The following KLHL30 variants were observed in gnomAD, a reference collection of about 807,000 sequenced individuals.
The protein encoded by KLHL30 is kelch-like protein 30.
A neutral mutation model predicts 55.0 loss-of-function variants in KLHL30; 55 were observed. The observed-to-expected ratio is 1.00, with a 90% CI of 0.80 to 1.25. The LOEUF (loss-of-function observed/expected upper bound fraction) is 1.25. Ranked by LOEUF, KLHL30 falls within the 50% of genes most tolerant of loss-of-function variation. The probability of loss-of-function intolerance (pLI) is 0.00; values close to 1 mark genes in which losing one functional copy is unlikely to be tolerated. For missense variants in KLHL30, 786 were observed against 811.6 expected (o/e 0.97, Z 0.38); for synonymous variants, 356 against 372.6 (o/e 0.96, Z 0.51).
Position 238,147,974 on chromosome 2 carries a change from G to A in KLHL30, c.1291G>A (p.Ala431Thr), listed in dbSNP as rs777868844. 86 of 1,558,408 alleles carry A rather than the reference G, an allele frequency of 5.5e-5. No individual in the cohort carries two copies. Among genetic ancestry groups the A allele is most frequent in the Admixed American group, 9.6e-5 (5 of 52,090 alleles). ...RGRLYLVGSS[A>T]CKYNALALQC... Reference sequence around the variant, plus strand: ...CCGGCTCTACCTGGTGGGCTCCAGCGCCTGCAAGTACAACGCCCTGGCCCT... The same window carrying A: ...CCGGCTCTACCTGGTGGGCTCCAGCACCTGCAAGTACAACGCCCTGGCCCT... The change falls in exon 6 of 8, where the codon GCC (alanine) becomes ACC (threonine). Residue 431 changes from alanine (A) to threonine (T), a missense_variant. Transcript: ENST00000409223. This position sits in a 1 kb window ranked among gnomAD's most constrained non-coding sequence, Gnocchi z 5.8.
chr2:238,150,515 C>T (rs1049993394), intron 7 of KLHL30, among the ~76,000 whole-genome samples: 2 of 152,174 alleles, frequency 1.3e-5, no homozygotes, highest in Non-Finnish European at 2.9e-5. Context: ...AGTGAGGCCT[C>T]GAGTCAGCCC....
chr2:238,149,295 C>T (rs1261362819), intron 7 of KLHL30, 143 bp downstream of exon 7: 4 of 1,187,354 alleles, frequency 3.4e-6, no homozygotes, highest in Non-Finnish European at 4.7e-6. Flanking sequence ...CCACAGAGGG[C>T]CCACAGTGAA....
At position 238,147,892 on chromosome 2, in the gene KLHL30, G is replaced by T. The variant is rs368843555; in HGVS notation, c.1209G>T (p.Thr403=). 2 of 1,598,312 alleles carry T rather than the reference G, an allele frequency of 1.3e-6. No individual in the cohort carries two copies. The highest frequency in any genetic ancestry group is 1.7e-6 in the Non-Finnish European group (2 of 1,172,144). The change falls in exon 6 of 8, where the codon ACG becomes ACT. Residue 403 remains threonine, a synonymous_variant. Coordinates refer to ENST00000409223, the MANE Select transcript of KLHL30 (RefSeq NM_198582.4). This position sits in a 1 kb window ranked among gnomAD's most constrained non-coding sequence, Gnocchi z 5.8. ...ATGACCCCTACACGGACAGCTGGAC[G>T]CCCGTCAGCCCGGCCCTCAAATACG... is the stretch of plus-strand genomic sequence containing the variant. ...ESYDPYTDSW[T]PVSPALKYVS...
At position 238,151,768 on chromosome 2, in the gene KLHL30, T is replaced by C. The variant is rs970504445; in HGVS notation, c.*703T>C. The C allele has an allele frequency of 5.8e-6, 3 of 515,518 alleles. No individual in the cohort carries two copies. In the East Asian group the frequency reaches 4.5e-4, roughly 77 times the overall value. The allele number at this position is 515,518 out of a possible 1,614,324, so 31.9% of individuals were successfully genotyped here. On this transcript the variant is annotated 3_prime_UTR_variant, in exon 8 of 8. Coordinates refer to ENST00000409223, the MANE Select transcript of KLHL30 (RefSeq NM_198582.4). ...CACCAGGAAGGAGGGAGGCAGGGCG[T>C]GGGGCGGGGCTGGAGGGTCCCAGGG...
In KLHL30 at chr2:238,150,845, GCGCGCTGGT is replaced by G; in HGVS notation, c.1518_1526del (p.Ala507_Val509del). The stretch of plus-strand genomic sequence containing the variant: ...TCACAGCACAGCCTGCATGAGAATG[GCGCGCTGGT>G]GCCACTGGGTGATGCGCTGTACGTG... On this transcript the variant is annotated inframe_deletion, in exon 8 of 8. Coordinates refer to ENST00000409223, the MANE Select transcript of KLHL30 (RefSeq NM_198582.4). The G allele has an allele frequency of 6.3e-7, 1 of 1,590,964 alleles. No homozygotes were observed. Among genetic ancestry groups the G allele is most frequent in the Non-Finnish European group, 8.5e-7 (1 of 1,170,302 alleles).
intron 1 of KLHL30, among the ~76,000 whole-genome samples, chr2:238,139,577 G>A (rs1341137720): frequency 1.3e-5 from 2 of 152,192 alleles, no homozygotes; most frequent in African/African-American, 4.8e-5. Context: ...CGGGAAGTCG[G>A]GGAGCCCTAG....
intron 3 of KLHL30, 43 bp downstream of exon 3, chr2:238,142,974 G>C: frequency 1.3e-6 from 2 of 1,489,910 alleles, no homozygotes; most frequent in South Asian, 2.9e-5. Flanking sequence ...CTGTCTCTCT[G>C]TCCCAGCGGG....
In KLHL30 at chr2:238,149,118, A is replaced by T; in HGVS notation, c.1451A>T (p.Tyr484Phe). 1 of 1,613,030 alleles carries T rather than the reference A, an allele frequency of 6.2e-7. No individual in the cohort carries two copies. The highest frequency in any genetic ancestry group is 8.5e-7 in the Non-Finnish European group (1 of 1,179,824). ...YLIGDNTKKV[Y>F]VYDPGANLWQ... Reference sequence around the variant, plus strand: ...ATTGGGGACAACACCAAGAAGGTCTACGTGTACGACCCCGGGGCCAACCTG... The same window carrying T: ...ATTGGGGACAACACCAAGAAGGTCTTCGTGTACGACCCCGGGGCCAACCTG... The change falls in exon 7 of 8, where the codon TAC becomes TTC. Residue 484 changes from tyrosine (Y) to phenylalanine (F), a missense_variant. Physicochemically the swap from Tyr to Phe is conservative, Grantham distance 22. Coordinates refer to ENST00000409223, the MANE Select transcript of KLHL30 (RefSeq NM_198582.4).
intron 3 of KLHL30, among the ~76,000 whole-genome samples, chr2:238,144,392 A>C (rs937912963): frequency 1.9e-4 from 17 of 91,598 alleles, no homozygotes; most frequent in African/African-American, 8.1e-4. Context: ...GGAAGGAAGG[A>C]AGGAAGGAAG....
intron 2 of KLHL30, 147 bp from the exon 3 acceptor site, chr2:238,142,652 G>A: frequency 2.8e-6 from 2 of 724,834 alleles, no homozygotes; most frequent in Non-Finnish European, 2.0e-6. Flanking sequence ...TGCAAGGAGG[G>A]AGCAGCTTGT....
rs1357941055 is a variant in KLHL30 at position 238,141,218 on chromosome 2, G to C, written c.464G>C (p.Trp155Ser). The change falls in exon 2 of 8, where the codon TGG becomes TCG. Residue 155 changes from tryptophan to serine, a missense_variant. Transcript: ENST00000409223. The part of the protein sequence containing the change: ...QGLLGVAAKA[W>S]AFLRENFEAV... ...CTGCTGGGCGTGGCTGCCAAGGCCT[G>C]GGCCTTCCTGCGAGAGAACTTTGAG... The C allele has an allele frequency of 6.2e-7, 1 of 1,610,306 alleles. No homozygotes were observed.
intron 7 of KLHL30, among the ~76,000 whole-genome samples, chr2:238,149,648 C>G (rs1692716625): frequency 6.6e-6 from 1 of 152,160 alleles, no homozygotes; most frequent in African/African-American, 2.4e-5. Flanking sequence ...CCGGAGGGTA[C>G]TATAGGGACC....
chr2:238,145,529 G>A (rs189867264), intron 4 of KLHL30, 148 bp from the exon 5 acceptor site: 50 of 840,544 alleles, frequency 5.9e-5, no homozygotes, highest in South Asian at 1.9e-4. Flanking sequence ...CACACAGCTC[G>A]GCTGCGCTAC....
At chr2:238,148,980 G>A (rs373156294) in intron 6 of KLHL30, 27 bp from the exon 7 acceptor site, 41 of 1,563,840 alleles carry the variant, frequency 2.6e-5, no homozygotes, top group South Asian at 1.6e-4. Flanking sequence ...CCCTGGTGAC[G>A]GTGGCCAGTG....
At chr2:238,140,362 C>T (rs1692509098) in intron 1 of KLHL30, among the ~76,000 whole-genome samples, 1 of 152,184 alleles carries the variant, frequency 6.6e-6, no homozygotes, top group African/African-American at 2.4e-5. Flanking sequence ...GGGGGGTGGG[C>T]TCAGTGTAGC....
At chr2:238,145,289 G>A (rs902657114) in intron 4 of KLHL30, among the ~76,000 whole-genome samples, 11 of 152,184 alleles carry the variant, frequency 7.2e-5, no homozygotes, top group African/African-American at 1.9e-4. Context: ...GGGGTGCCAC[G>A]AGGTTGCAGG....
chr2:238,144,148 A>G (rs2106311949), intron 3 of KLHL30, among the ~76,000 whole-genome samples: 1 of 152,324 alleles, frequency 6.6e-6, no homozygotes, highest in Non-Finnish European at 1.5e-5. Flanking sequence ...GACCCTAGGA[A>G]CAATAATCCT....
rs1030608579 is a variant in KLHL30 at position 238,147,456 on chromosome 2, C to T, written c.1151-378C>T. On this transcript the variant is annotated intron_variant, in intron 5 of 7. Coordinates refer to ENST00000409223, the MANE Select transcript of KLHL30 (RefSeq NM_198582.4). The surrounding 1 kb of genome is among the most constrained non-coding windows in gnomAD (Gnocchi z 5.8). ...GGAGCTGCCTACAGCTCCAGGGTCT[C>T]GCAACCCGCCCTCCCAGGGCTGGCA... Among the ~76,000 whole-genome samples, 6 of 152,128 alleles carry T rather than the reference C, an allele frequency of 3.9e-5. No individual in the cohort carries two copies. Among genetic ancestry groups the T allele is most frequent in the Non-Finnish European group, 7.4e-5 (5 of 68,008 alleles).
chr2:238,148,017 T>A lies in KLHL30; in HGVS notation c.1334T>A (p.Val445Asp). The change falls in exon 6 of 8, where the codon GTC becomes GAC. Residue 445 changes from valine (V) to aspartate (D), a missense_variant. Coordinates refer to ENST00000409223, the MANE Select transcript of KLHL30 (RefSeq NM_198582.4). ...CTGGCCCTGCAGTGCTACAACCCTG[T>A]CACAGGTGGGTGGGGCTCAGGGACC... The part of the protein sequence containing the change: ...NALALQCYNP[V>D]TDAWSVIASP... The A allele has an allele frequency of 6.9e-7, 1 of 1,440,162 alleles. No homozygotes were observed. Among genetic ancestry groups the A allele is most frequent in the Non-Finnish European group, 9.2e-7 (1 of 1,086,608 alleles). The allele number at this position is 1,440,162 out of a possible 1,614,324, so 89.2% of individuals were successfully genotyped here.
Sources: allele counts gnomAD v4.1 joint callset (sites outside exome capture counted in the v4.1 genomes callset), GRCh38; gene constraint gnomAD v4.1.1; non-coding constraint Gnocchi (gnomAD v3.1); transcripts MANE v1.5; gene names NCBI Gene and HGNC (gene_info 2026-07-23, HGNC 2026-07-21).